ANTXR2: variants seen among roughly 807,000 people sequenced by gnomAD.
ANTXR2 encodes anthrax toxin receptor 2.
In ANTXR2, 44 loss-of-function variants were observed where a neutral mutation model predicts 73.7. The observed-to-expected ratio is 0.60, with a 90% CI of 0.47 to 0.77. ANTXR2 has a LOEUF of 0.77. Ranked by LOEUF, ANTXR2 falls within the 30% of genes least tolerant of loss-of-function variation. The pLI, the probability that ANTXR2 is intolerant of heterozygous loss-of-function variation, is 0.00. For missense variants in ANTXR2, 604 were observed against 592.5 expected, an observed-to-expected ratio of 1.02 and a Z score of -0.20; for synonymous variants, 217 against 205.9, an observed-to-expected ratio of 1.05 and a Z score of -0.46.
rs943033809 is a variant in ANTXR2 at position 79,902,343 on chromosome 4, A to G, written c.*5086T>C. 11 of 152,268 alleles carry G rather than the reference A, an allele frequency of 7.2e-5. No homozygotes were observed. The highest frequency in any genetic ancestry group is 2.6e-4 in the African/African-American group (11 of 41,566). 9.4% of individuals were successfully genotyped at this position (152,268 alleles called of 1,614,324 possible). On this transcript the variant is annotated 3_prime_UTR_variant, in exon 17 of 17. Coordinates refer to ENST00000403729, the MANE Select transcript of ANTXR2 (RefSeq NM_058172.6). The stretch of plus-strand genomic sequence containing the variant: ...TAAGCTGTGTTCAAATTACTTACTT[A>G]GTAAAGTATTTTCCACTGAATACTT...
intron 12 of ANTXR2, among the ~76,000 whole-genome samples, chr4:79,997,656 C>T (rs1303588092): frequency 6.6e-6 from 1 of 152,034 alleles, no homozygotes; most frequent in East Asian, 1.9e-4. Context: ...TCTTCCTCGA[C>T]AAACTCATCA....
intron 10 of ANTXR2, among the ~76,000 whole-genome samples, chr4:80,027,420 T>C (rs1412614879): frequency 6.6e-6 from 1 of 152,156 alleles, no homozygotes; most frequent in African/African-American, 2.4e-5. Flanking sequence ...ACCTCAATTC[T>C]GCCACACTGT....
At chr4:79,932,240 T>C (rs1728087312) in intron 16 of ANTXR2, among the ~76,000 whole-genome samples, 1 of 152,088 alleles carries the variant, frequency 6.6e-6, no homozygotes, top group Non-Finnish European at 1.5e-5. Context: ...AACACTAATA[T>C]ACATTTGAAT....
chr4:80,061,280 G>C (rs887978977), intron 3 of ANTXR2, among the ~76,000 whole-genome samples: 1 of 121,048 alleles, frequency 8.3e-6, no homozygotes, highest in African/African-American at 2.9e-5. Flanking sequence ...GTGTGTGTGT[G>C]CCTCTGTGTG....
intron 16 of ANTXR2, among the ~76,000 whole-genome samples, chr4:79,921,892 T>C (rs1413138516): frequency 6.6e-6 from 1 of 151,984 alleles, no homozygotes; most frequent in African/African-American, 2.4e-5. Flanking sequence ...TTTTATTATA[T>C]TTGAGAAAAA....
intron 16 of ANTXR2, among the ~76,000 whole-genome samples, chr4:79,973,903 A>T (rs957120955): frequency 1.3e-5 from 2 of 152,232 alleles, no homozygotes; most frequent in African/African-American, 2.4e-5. Flanking sequence ...TAAATATTAT[A>T]AAAAAGCACT....
At chr4:79,963,641 T>C (rs1729234353) in intron 16 of ANTXR2, among the ~76,000 whole-genome samples, 1 of 152,192 alleles carries the variant, frequency 6.6e-6, no homozygotes, top group Admixed American at 6.5e-5. Flanking sequence ...ATCTCTCCTT[T>C]TTCTCAAGAA....
chr4:79,988,500 C>T (rs1730305743), intron 12 of ANTXR2, among the ~76,000 whole-genome samples: 1 of 151,686 alleles, frequency 6.6e-6, no homozygotes, highest in Admixed American at 6.6e-5. Context: ...ATTCATAAAA[C>T]AAGTTCTTAG....
At position 79,904,622 on chromosome 4, in the gene ANTXR2, A is replaced by G. The variant is rs1726835011; in HGVS notation, c.*2807T>C. 6.6e-6 allele frequency: 1 copy of G among 152,152 alleles called. No homozygotes were observed. Among genetic ancestry groups the G allele is most frequent in the Non-Finnish European group, 1.5e-5 (1 of 67,992 alleles). The allele number at this position is 152,152 out of a possible 1,614,324, so 9.4% of individuals were successfully genotyped here. A position where few individuals can be genotyped will look rare whatever the true frequency, so the allele number is the denominator to read the frequency against. ...GAACAGACATTGTTATGAAATATAT[A>G]TAGATGCCTTCAAAACTTTCTTTCT... On this transcript the variant is annotated 3_prime_UTR_variant, in exon 17 of 17. Coordinates refer to ENST00000403729, the MANE Select transcript of ANTXR2 (RefSeq NM_058172.6).
chr4:79,961,510 C>T (rs1729140617), intron 16 of ANTXR2, among the ~76,000 whole-genome samples: 1 of 152,094 alleles, frequency 6.6e-6, no homozygotes, highest in Non-Finnish European at 1.5e-5. Context: ...TCATGGCTTA[C>T]TGCAGCCTTG....
intron 7 of ANTXR2, among the ~76,000 whole-genome samples, chr4:80,036,666 T>C (rs1271346025): frequency 3.9e-5 from 6 of 151,988 alleles, no homozygotes; most frequent in African/African-American, 1.2e-4. Flanking sequence ...CCAGGTATGG[T>C]GGCTCGCGCC....
intron 12 of ANTXR2, among the ~76,000 whole-genome samples, chr4:80,002,271 C>A (rs1276916274): frequency 1.3e-5 from 2 of 152,088 alleles, no homozygotes; most frequent in Non-Finnish European, 2.9e-5. Context: ...CTACAACTAA[C>A]CGATCTTTGA....
rs139452729 is a variant in ANTXR2 at position 79,995,426 on chromosome 4, T to G, written c.1042-10563A>C. Among the ~76,000 whole-genome samples the G allele has an allele frequency of 2.5e-4, 38 of 152,050 alleles. 1 individual carries two copies. Among genetic ancestry groups the G allele is most frequent in the African/African-American group, 8.7e-4 (36 of 41,522 alleles). ...GATAGATTTACATGAAACTAAAATA[T>G]TACTAGTCCCTAAGAAAATGAAGCA... On this transcript the variant is annotated intron_variant, in intron 12 of 16. Coordinates refer to ENST00000403729, the MANE Select transcript of ANTXR2 (RefSeq NM_058172.6).
intron 11 of ANTXR2, among the ~76,000 whole-genome samples, chr4:80,013,206 TC>T (rs1434522118): frequency 4.6e-5 from 7 of 152,224 alleles, no homozygotes; most frequent in Non-Finnish European, 4.4e-5. Context: ...CAGACTCTAA[TC>T]TTAAATCTCT....
intron 7 of ANTXR2, among the ~76,000 whole-genome samples, chr4:80,046,836 A>G (rs1377526391): frequency 6.6e-6 from 1 of 151,802 alleles, no homozygotes; most frequent in East Asian, 1.9e-4. Context: ...CCAGTACCCA[A>G]CAAATGCTTC....
intron 7 of ANTXR2, among the ~76,000 whole-genome samples, chr4:80,053,393 A>C (rs1390926918): frequency 6.6e-6 from 1 of 151,676 alleles, no homozygotes; most frequent in African/African-American, 2.4e-5. Flanking sequence ...AATTTTTTTA[A>C]AAGCCTACGT....
intron 10 of ANTXR2, among the ~76,000 whole-genome samples, chr4:80,019,527 T>C (rs28403886): frequency 0.36 from 54,313 of 152,126 alleles, 12,083 homozygotes; most frequent in Non-Finnish European, 0.47. Context: ...AAGAAATTTC[T>C]AAATCCAGAA....
Position 80,060,393 on chromosome 4 carries a change from TTTC to T in ANTXR2, c.297-4383_297-4381del, listed in dbSNP as rs560970973. Among the ~76,000 whole-genome samples the T allele has an allele frequency of 1.0e-3, 159 of 152,302 alleles. 1 individual carries two copies. The highest frequency in any genetic ancestry group is 2.7e-3 in the Admixed American group (42 of 15,304). On this transcript the variant is annotated intron_variant, in intron 3 of 16. Transcript: ENST00000403729. The stretch of plus-strand genomic sequence containing the variant: ...CTCTGATCTAACCTAATTTTAAAAC[TTTC>T]TTGTGTTATTGGAATGCGTTTTGAA...
chr4:80,019,259 C>A (rs986986218), intron 10 of ANTXR2, among the ~76,000 whole-genome samples: 1 of 152,074 alleles, frequency 6.6e-6, no homozygotes, highest in African/African-American at 2.4e-5. Context: ...CTCAGCTACT[C>A]AGGAGGCTGA....
Sources: allele counts gnomAD v4.1 joint callset (sites outside exome capture counted in the v4.1 genomes callset), GRCh38; gene constraint gnomAD v4.1.1; transcripts MANE v1.5; gene names NCBI Gene and HGNC (gene_info 2026-07-23, HGNC 2026-07-21).